The following GAS7 variants were observed in gnomAD, a reference collection of about 807,000 sequenced individuals.
The protein encoded by GAS7 is growth arrest-specific protein 7.
Under a neutral mutation model 71.1 loss-of-function variants are expected in GAS7, and 28 were observed. The observed-to-expected ratio is 0.39, with a 90% CI of 0.29 to 0.54. The LOEUF (loss-of-function observed/expected upper bound fraction) is 0.54, where lower values mean the gene tolerates loss of function less well. Among genes scored for constraint, GAS7 ranks in the 20% least tolerant of loss-of-function variants. GAS7 has a pLI of 0.62. For synonymous variants in GAS7, 258 were observed against 245.8 expected (o/e 1.05, Z -0.46); for missense variants, 436 against 627.8 (o/e 0.69, Z 3.27).
intron 1 of GAS7, among the ~76,000 whole-genome samples, chr17:10,064,508 C>A (rs1270542364): frequency 6.6e-6 from 1 of 152,228 alleles, no homozygotes; most frequent in Admixed American, 6.5e-5. Context: ...AGCACGTGCC[C>A]TCTCCCCAAC....
chr17:10,134,148 A>C (rs1247901584), intron 1 of GAS7, among the ~76,000 whole-genome samples: 1 of 151,792 alleles, frequency 6.6e-6, no homozygotes, highest in Non-Finnish European at 1.5e-5. Flanking sequence ...CTCCTGCTTC[A>C]GCCTCCCGAG....
intron 1 of GAS7, among the ~76,000 whole-genome samples, chr17:10,105,449 G>A (rs1168605357): frequency 2.6e-5 from 4 of 152,324 alleles, no homozygotes; most frequent in Admixed American, 6.5e-5. Flanking sequence ...TGGCTACCAT[G>A]TTAGATGGTA....
chr17:10,024,628 G>A (rs899483588), intron 1 of GAS7, among the ~76,000 whole-genome samples: 3 of 152,134 alleles, frequency 2.0e-5, no homozygotes, highest in Admixed American at 1.3e-4. Context: ...CCTCTGGAAG[G>A]GACCATCCCT....
intron 11 of GAS7, among the ~76,000 whole-genome samples, chr17:9,924,260 A>G (rs1240187494): frequency 6.6e-6 from 1 of 152,088 alleles, no homozygotes; most frequent in Non-Finnish European, 1.5e-5. Flanking sequence ...CGCAGCCTTA[A>G]CCTCCTGGGT....
intron 1 of GAS7, among the ~76,000 whole-genome samples, chr17:10,155,311 C>T (rs1219399230): frequency 2.1e-5 from 3 of 141,404 alleles, no homozygotes; most frequent in East Asian, 2.2e-4. Flanking sequence ...CCACCGTGCC[C>T]GGCCACCAAT....
chr17:10,075,230 C>T (rs1375231904), intron 1 of GAS7, among the ~76,000 whole-genome samples: 1 of 152,012 alleles, frequency 6.6e-6, no homozygotes, highest in Non-Finnish European at 1.5e-5. Context: ...GCGGCACACA[C>T]CTGTAATCCC....
Position 10,012,673 on chromosome 17 carries a change from C to T in GAS7, c.304+7104G>A, listed in dbSNP as rs147736647. Among the ~76,000 whole-genome samples, 274 of 152,266 alleles carry T rather than the reference C, an allele frequency of 1.8e-3. 2 individuals are homozygous for T. The highest frequency in any genetic ancestry group is 6.2e-3 in the African/African-American group (259 of 41,558). On this transcript the variant is annotated intron_variant, in intron 2 of 13. Transcript: ENST00000432992. ...TGTTGTATAAATAAGAGGTCCCTGT[C>T]GTGGTCTGAATGTTTGTGTCCCCTC...
chr17:10,198,392 G>A lies in GAS7; in HGVS notation c.-2C>T, dbSNP rs114822626. On this transcript the variant is annotated 5_prime_UTR_variant, in exon 1 of 14. Coordinates refer to ENST00000432992, the MANE Select transcript of GAS7 (RefSeq NM_201433.2). The stretch of plus-strand genomic sequence containing the variant: ...GGTCCGGCAGCGAGCGCCGGACATG[G>A]CCTTGGCGCCCGGGTTCACAGCGCA... 8.7e-3 allele frequency: 13,764 copies of A among 1,574,422 alleles called. 1,107 individuals carry two copies. In the African/African-American group the frequency reaches 0.17, roughly 19 times the overall value.
intron 1 of GAS7, among the ~76,000 whole-genome samples, chr17:10,087,647 G>A (rs935717467): frequency 6.6e-6 from 1 of 152,176 alleles, no homozygotes; most frequent in African/African-American, 2.4e-5. Context: ...ACACAGCCAG[G>A]ACTGTTACCA....
At chr17:10,003,407 CT>C (rs2071349051) in intron 2 of GAS7, among the ~76,000 whole-genome samples, 1 of 152,346 alleles carries the variant, frequency 6.6e-6, no homozygotes, top group African/African-American at 2.4e-5. Flanking sequence ...TGGAAAACTG[CT>C]TTTGCTCCGA....
chr17:9,967,700 T>C (rs999913480), intron 4 of GAS7, among the ~76,000 whole-genome samples: 9 of 152,200 alleles, frequency 5.9e-5, no homozygotes, highest in Admixed American at 5.9e-4. Context: ...GGCTGCATAG[T>C]ATCACTGGCT....
intron 1 of GAS7, among the ~76,000 whole-genome samples, chr17:10,133,181 CA>C: frequency 6.7e-6 from 1 of 149,402 alleles, no homozygotes; most frequent in Non-Finnish European, 1.5e-5. Flanking sequence ...TGAGATCGTG[CA>C]GTGGCACTCA....
intron 4 of GAS7, among the ~76,000 whole-genome samples, chr17:9,960,930 G>A (rs573810048): frequency 2.0e-5 from 3 of 152,296 alleles, no homozygotes; most frequent in East Asian, 3.9e-4. Context: ...TTCTCCATCT[G>A]TCAAATGGAT....
At chr17:10,117,917 T>A (rs901439113) in intron 1 of GAS7, among the ~76,000 whole-genome samples, 2 of 151,766 alleles carry the variant, frequency 1.3e-5, no homozygotes, top group Non-Finnish European at 2.9e-5. Flanking sequence ...AAAAGGGGAG[T>A]CAAGGTTTTT....
At chr17:10,164,028 T>C (rs538606791) in intron 1 of GAS7, among the ~76,000 whole-genome samples, 1 of 152,274 alleles carries the variant, frequency 6.6e-6, no homozygotes, top group Non-Finnish European at 1.5e-5. Flanking sequence ...TTTCTCAGTT[T>C]CTCACCTTTG....
intron 1 of GAS7, among the ~76,000 whole-genome samples, chr17:10,122,556 C>T (rs1396593263): frequency 6.6e-6 from 1 of 152,208 alleles, no homozygotes; most frequent in Non-Finnish European, 1.5e-5. Context: ...CCCTGGCTGA[C>T]TGCTGGTTTG....
At chr17:10,017,478 G>A (rs1043192042) in intron 2 of GAS7, among the ~76,000 whole-genome samples, 3 of 152,008 alleles carry the variant, frequency 2.0e-5, no homozygotes, top group African/African-American at 4.8e-5. Context: ...ACAGGCGCCC[G>A]CCACCACACC....
At chr17:10,042,005 A>G (rs2072877972) in intron 1 of GAS7, among the ~76,000 whole-genome samples, 1 of 152,152 alleles carries the variant, frequency 6.6e-6, no homozygotes, top group Admixed American at 6.6e-5. Flanking sequence ...TCTTAAAATG[A>G]TAATTAATAG....
In GAS7 at chr17:9,959,174, C is replaced by T; in HGVS notation, c.525+28G>A. 1 of 1,611,280 alleles carries T rather than the reference C, an allele frequency of 6.2e-7. No homozygotes were observed. Among genetic ancestry groups the T allele is most frequent in the Non-Finnish European group, 8.5e-7 (1 of 1,178,390 alleles). On this transcript the variant is annotated intron_variant, in intron 5 of 13. Coordinates refer to ENST00000432992, the MANE Select transcript of GAS7 (RefSeq NM_201433.2). The surrounding 1 kb of genome is among the most constrained non-coding windows in gnomAD (Gnocchi z 5.0). ...CAAATGCCCCAGCTCGCAGCCCACC[C>T]TGAGGGCGCCCCTCGGGAGCCACTT...
Sources: allele counts gnomAD v4.1 joint callset (sites outside exome capture counted in the v4.1 genomes callset), GRCh38; gene constraint gnomAD v4.1.1; non-coding constraint Gnocchi (gnomAD v3.1); transcripts MANE v1.5; gene names NCBI Gene and HGNC (gene_info 2026-07-23, HGNC 2026-07-21).